ZMYND11: variants seen among roughly 807,000 people sequenced by gnomAD.
ZMYND11 encodes the protein zinc finger MYND domain-containing protein 11.
Under a neutral mutation model 84.9 loss-of-function variants are expected in ZMYND11, and 9 were observed. The ratio of observed to expected loss-of-function variants is 0.11; its 90% CI spans 0.06 to 0.18. The LOEUF is 0.18. Ranked by LOEUF, ZMYND11 falls within the 10% of genes least tolerant of loss-of-function variation. The pLI is 1.00. For synonymous variants in ZMYND11, 250 were observed against 244.1 expected, an observed-to-expected ratio of 1.02 and a Z score of -0.23; for missense variants, 409 against 761.0, an observed-to-expected ratio of 0.54 and a Z score of 5.44.
intron 8 of ZMYND11, among the ~76,000 whole-genome samples, chr10:240,418 C>T (rs546617840): frequency 5.1e-4 from 78 of 152,266 alleles, no homozygotes; most frequent in Non-Finnish European, 7.4e-4. Flanking sequence ...GCAGGAGAAT[C>T]GCTTGAACGT....
intron 1 of ZMYND11, among the ~76,000 whole-genome samples, chr10:150,660 A>G (rs1170314312): frequency 2.0e-5 from 3 of 152,218 alleles, no homozygotes; most frequent in Admixed American, 6.5e-5. Context: ...CTCTGGGGGC[A>G]GGGCATAGCC....
At position 196,529 on chromosome 10, in the gene ZMYND11, A is replaced by G. The variant is rs185472700; in HGVS notation, c.117-13360A>G. On this transcript the variant is annotated intron_variant, in intron 2 of 14. Transcript: ENST00000381604. ...ATTTTTAACTACACAACTTATTTTG[A>G]AGGAAAATCCATTCAACAAAATTAG... Among the ~76,000 whole-genome samples, 337 of 152,292 alleles carry G rather than the reference A, an allele frequency of 2.2e-3. 4 individuals carry two copies. The highest frequency in any genetic ancestry group is 7.7e-3 in the African/African-American group (320 of 41,570).
At chr10:220,089 A>C (rs1946885639) in intron 3 of ZMYND11, among the ~76,000 whole-genome samples, 1 of 152,116 alleles carries the variant, frequency 6.6e-6, no homozygotes, top group South Asian at 2.1e-4. Flanking sequence ...CTGCTTATGG[A>C]GTGAGTGCTA....
chr10:235,428 A>G (rs1313915454), intron 4 of ZMYND11, among the ~76,000 whole-genome samples: 3 of 152,072 alleles, frequency 2.0e-5, no homozygotes, highest in African/African-American at 7.2e-5. Context: ...CCAGAAAAAA[A>G]GATTATAAAC....
intron 1 of ZMYND11, 83 bp from the exon 2 acceptor site, chr10:179,911 G>T: frequency 1.4e-6 from 1 of 733,370 alleles, no homozygotes. Context: ...ATAGTTGAGA[G>T]GTCCTGATAA....
chr10:207,833 C>T (rs1286816350), intron 2 of ZMYND11, among the ~76,000 whole-genome samples: 5 of 152,170 alleles, frequency 3.3e-5, no homozygotes, highest in Non-Finnish European at 5.9e-5. Context: ...GAGCCCACAT[C>T]GCCAAGTCAA....
chr10:183,053 A>G (rs142178667), intron 2 of ZMYND11, among the ~76,000 whole-genome samples: 3 of 152,336 alleles, frequency 2.0e-5, no homozygotes, highest in African/African-American at 4.8e-5. Flanking sequence ...GAGTGACGCC[A>G]TTATAAAAAA....
At position 135,954 on chromosome 10, in the gene ZMYND11, G is replaced by T. The variant is rs550393552; in HGVS notation, c.-20+395G>T. On this transcript the variant is annotated intron_variant, in intron 1 of 14. Coordinates refer to ENST00000381604, the MANE Select transcript of ZMYND11 (RefSeq NM_001370100.5). This position sits in a 1 kb window ranked among gnomAD's most constrained non-coding sequence, Gnocchi z 5.6. ...GCTTTCGGTCAGGCCTCCTGGGCCC[G>T]TGCGCAGTCCGGGCCGGCGGGGAAC... Among the ~76,000 whole-genome samples, 4 of 151,418 alleles carry T rather than the reference G, an allele frequency of 2.6e-5. No homozygotes were observed. The East Asian group carries it at 7.9e-4, about 30-fold the overall frequency.
At chr10:173,106 C>T (rs1845750768) in intron 1 of ZMYND11, among the ~76,000 whole-genome samples, 1 of 151,066 alleles carries the variant, frequency 6.6e-6, no homozygotes, top group Non-Finnish European at 1.5e-5. Flanking sequence ...GAAAATGGAT[C>T]AGAGACCTAA....
intron 4 of ZMYND11, among the ~76,000 whole-genome samples, chr10:236,563 A>G (rs1950007828): frequency 6.6e-6 from 1 of 152,216 alleles, no homozygotes; most frequent in Non-Finnish European, 1.5e-5. Flanking sequence ...TTATCTAAAA[A>G]TTAAGTTTTA....
chr10:241,288 C>T (rs1038725490), intron 9 of ZMYND11, among the ~76,000 whole-genome samples: 1 of 152,114 alleles, frequency 6.6e-6, no homozygotes, highest in African/African-American at 2.4e-5. Context: ...AGTGATTCTC[C>T]CACCTCAGCC....
upstream of ZMYND11, among the ~76,000 whole-genome samples, chr10:132,732 T>C (rs1835341612): frequency 6.6e-6 from 1 of 152,178 alleles, no homozygotes; most frequent in Non-Finnish European, 1.5e-5. Context: ...ACTGTCCCAA[T>C]AGCCAGGTAA....
intron 4 of ZMYND11, among the ~76,000 whole-genome samples, chr10:223,132 T>C (rs2448383): frequency 0.93 from 140,912 of 151,810 alleles, 65,714 homozygotes; most frequent in Non-Finnish European, 0.97. Flanking sequence ...TGGGTTCAAG[T>C]GATTCTTCTG....
At chr10:189,204 T>G (rs550253131) in intron 2 of ZMYND11, among the ~76,000 whole-genome samples, 1 of 152,220 alleles carries the variant, frequency 6.6e-6, no homozygotes, top group Non-Finnish European at 1.5e-5. Flanking sequence ...GCTACAGATA[T>G]ACATAAACGC....
chr10:214,597 A>G (rs115855142), intron 3 of ZMYND11, among the ~76,000 whole-genome samples: 483 of 152,352 alleles, frequency 3.2e-3, no homozygotes, highest in African/African-American at 0.011. Context: ...TATATTGGAA[A>G]AAGACCGCAA....
At chr10:158,412 C>CTTTTTTTTTTTTTTTTT (rs372896551) in intron 1 of ZMYND11, among the ~76,000 whole-genome samples, 2 of 142,484 alleles carry the variant, frequency 1.4e-5, no homozygotes, top group Non-Finnish European at 3.1e-5. Flanking sequence ...TTGTCTTTTC[C>CTTTTTTTTTTTTTTTTT]TTTTTTTTTT....
rs572767785 is a variant in ZMYND11 at position 208,194 on chromosome 10, C to T, written c.117-1695C>T. 4.6e-5 allele frequency among the ~76,000 whole-genome samples: 7 copies of T among 152,302 alleles called. No individual in the cohort carries two copies. The East Asian group carries it at 1.4e-3, about 29-fold the overall frequency. The stretch of plus-strand genomic sequence containing the variant: ...CGTTTGACCTAAAACCATAAAAACC[C>T]TAGAAGAAAACCTAGGCCTTACCAT... On this transcript the variant is annotated intron_variant, in intron 2 of 14. Coordinates refer to ENST00000381604, the MANE Select transcript of ZMYND11 (RefSeq NM_001370100.5).
rs1952647904 is a variant in ZMYND11 at position 248,491 on chromosome 10, CGT to C, written c.1388_1389del (p.Cys463SerfsTer6). 6.2e-7 allele frequency: 1 copy of C among 1,614,180 alleles called. No homozygotes were observed. Among genetic ancestry groups the C allele is most frequent in the Non-Finnish European group, 8.5e-7 (1 of 1,180,048 alleles). Reference protein sequence around the residue: ...HRSTQTTNDGVCQSMCHDKYT... With the variant: ...HRSTQTTNDGXCQSMCHDKYT... ...GGAGCACCCAGACCACAAACGACGG[CGT>C]GTGTCAGAGCATGTGCCATGACAAA... On this transcript the variant is annotated frameshift_variant, in exon 13 of 15. Coordinates refer to ENST00000381604, the MANE Select transcript of ZMYND11 (RefSeq NM_001370100.5). LOFTEE classifies it high-confidence loss of function.
intron 2 of ZMYND11, among the ~76,000 whole-genome samples, chr10:207,763 C>G (rs2131227044): frequency 6.6e-6 from 1 of 152,158 alleles, no homozygotes; most frequent in East Asian, 1.9e-4. Flanking sequence ...ATCAAGCTAC[C>G]AATGACTTTC....
Sources: gnomAD v4.1 joint callset for allele counts (sites outside exome capture counted in the v4.1 genomes callset) on GRCh38, gnomAD v4.1.1 for gene constraint, Gnocchi (gnomAD v3.1) non-coding constraint, MANE v1.5 for transcripts, NCBI Gene and HGNC (gene_info 2026-07-23, HGNC 2026-07-21) for gene names.